Variants in SLC36A1 observed in about 807,000 individuals in gnomAD.
SLC36A1 encodes solute carrier family 36 member 1, also known as proton-coupled amino acid transporter 1.
In SLC36A1, 30 loss-of-function variants were observed where a neutral mutation model predicts 47.5. The observed-to-expected ratio is 0.63, with a 90% CI of 0.47 to 0.86. SLC36A1 has a LOEUF of 0.86. Among genes scored for constraint, SLC36A1 ranks in the 40% least tolerant of loss-of-function variants. The pLI is 0.00. For missense variants in SLC36A1, 517 were observed against 606.0 expected (o/e 0.85, Z 1.54); for synonymous variants, 255 against 249.7 (o/e 1.02, Z -0.20).
chr5:151,499,160 G>A, the SLC36A1 span, among the ~76,000 whole-genome samples: 6 of 152,236 alleles, frequency 3.9e-5, no homozygotes, highest in African/African-American at 1.2e-4. Flanking sequence ...TTCTTGGTTG[G>A]ACACTTTGGA....
intron 10 of SLC36A1, among the ~76,000 whole-genome samples, chr5:151,485,709 C>A (rs1160978355): frequency 6.6e-6 from 1 of 152,198 alleles, no homozygotes; most frequent in Non-Finnish European, 1.5e-5. Context: ...AGTTACATAC[C>A]TGTGAAACAG....
chr5:151,408,703 C>T, the SLC36A1 span, among the ~76,000 whole-genome samples: 1 of 152,254 alleles, frequency 6.6e-6, no homozygotes, highest in African/African-American at 2.4e-5. Flanking sequence ...TAAATCCAGC[C>T]CTATCTCTGC....
chr5:151,436,269 C>T (rs569061240), upstream of SLC36A1, among the ~76,000 whole-genome samples: 73 of 152,274 alleles, frequency 4.8e-4, no homozygotes, highest in African/African-American at 1.7e-3. Flanking sequence ...CCAATAACCA[C>T]TGTCTAGATT....
chr5:151,478,685 C>T (rs1021255814), intron 9 of SLC36A1, among the ~76,000 whole-genome samples: 10 of 152,210 alleles, frequency 6.6e-5, no homozygotes, highest in South Asian at 2.1e-4. Context: ...TTCCACCCCG[C>T]GCCCTCCACT....
the SLC36A1 span, chr5:151,545,136 C>T: frequency 1.2e-6 from 2 of 1,614,188 alleles, no homozygotes; most frequent in Non-Finnish European, 1.7e-6. Flanking sequence ...GGGTGTCATT[C>T]AAATGATTGC....
chr5:151,507,194 A>G, the SLC36A1 span: 3 of 1,606,932 alleles, frequency 1.9e-6, no homozygotes, highest in African/African-American at 4.0e-5. Flanking sequence ...TGACAGGCTC[A>G]TTGTCAGAGT....
At chr5:151,348,353 G>A in the SLC36A1 span, among the ~76,000 whole-genome samples, 1 of 152,136 alleles carries the variant, frequency 6.6e-6, no homozygotes. Flanking sequence ...CCCACTCTCT[G>A]TCATTATCTC....
the SLC36A1 span, chr5:151,527,521 G>C: frequency 1.4e-6 from 1 of 704,728 alleles, no homozygotes; most frequent in Non-Finnish European, 2.2e-6. Context: ...TAGCATTTTA[G>C]GGCTTAGGTT....
chr5:151,546,051 A>G, the SLC36A1 span: 4 of 1,614,198 alleles, frequency 2.5e-6, no homozygotes, highest in Non-Finnish European at 2.5e-6. Flanking sequence ...CTCTTAACTC[A>G]TAGGTAACTT....
chr5:151,468,927 AGT>A (rs1247848813), intron 7 of SLC36A1, among the ~76,000 whole-genome samples: 1 of 152,166 alleles, frequency 6.6e-6, no homozygotes, highest in Admixed American at 6.5e-5. Context: ...CATGCAGGCA[AGT>A]CTGTGGGGTG....
intron 2 of SLC36A1, among the ~76,000 whole-genome samples, chr5:151,462,914 T>A (rs1223591011): frequency 1.3e-5 from 2 of 151,048 alleles, no homozygotes; most frequent in Admixed American, 6.6e-5. Flanking sequence ...CTCCCTCTAT[T>A]GCCTAGGCTG....
intron 1 of SLC36A1, among the ~76,000 whole-genome samples, chr5:151,442,340 A>T (rs925562627): frequency 2.0e-5 from 3 of 152,124 alleles, no homozygotes; most frequent in Non-Finnish European, 4.4e-5. Context: ...ATTTCACAGG[A>T]ATTTTAAATA....
At chr5:151,388,496 C>A in the SLC36A1 span, among the ~76,000 whole-genome samples, 1 of 79,852 alleles carries the variant, frequency 1.3e-5, no homozygotes, top group African/African-American at 8.7e-5. Flanking sequence ...AGTAAAACTC[C>A]ATCTCAAAAG....
upstream of SLC36A1, among the ~76,000 whole-genome samples, chr5:151,433,846 A>G (rs1759611492): frequency 6.6e-6 from 1 of 152,086 alleles, no homozygotes. Flanking sequence ...ACTGGAAATA[A>G]ATCAATATCC....
At chr5:151,345,615 A>G in the SLC36A1 span, among the ~76,000 whole-genome samples, 1 of 152,120 alleles carries the variant, frequency 6.6e-6, no homozygotes, top group African/African-American at 2.4e-5. Flanking sequence ...TCGCTGACCG[A>G]GCACTACACC....
chr5:151,505,892 G>C, the SLC36A1 span: 75 of 1,598,394 alleles, frequency 4.7e-5, 1 homozygote, highest in East Asian at 1.6e-3. Flanking sequence ...TGCTGTAACG[G>C]GGTGGGAGAG....
chr5:151,426,342 A>ATCTC, the SLC36A1 span, among the ~76,000 whole-genome samples: 1 of 151,986 alleles, frequency 6.6e-6, no homozygotes, highest in East Asian at 1.9e-4. Context: ...ATTGATCACT[A>ATCTC]TCTCTCCTAT....
Position 151,489,603 on chromosome 5 carries a change from T to TG in SLC36A1, c.*1352dup, listed in dbSNP as rs1360484489. The TG allele has an allele frequency of 6.6e-6, 1 of 152,592 alleles. No individual in the cohort carries two copies. Among genetic ancestry groups the TG allele is most frequent in the Admixed American group, 6.5e-5 (1 of 15,278 alleles). The allele number at this position is 152,592 out of a possible 1,614,324, so 9.5% of individuals were successfully genotyped here. On this transcript the variant is annotated 3_prime_UTR_variant, in exon 11 of 11. Transcript: ENST00000243389. The surrounding 1 kb of genome is among the most constrained non-coding windows in gnomAD (Gnocchi z 4.5). Reference sequence around the variant, plus strand: ...CTGTCTTTCCCCCAGAATGCCTCCCTGGGTTTCACAAACAGCCTTGAGGTT... The same window carrying TG: ...CTGTCTTTCCCCCAGAATGCCTCCCTGGGGTTTCACAAACAGCCTTGAGGTT...
At chr5:151,554,719 T>G in the SLC36A1 span, 1 of 1,447,434 alleles carries the variant, frequency 6.9e-7, no homozygotes, top group Admixed American at 1.8e-5. Flanking sequence ...CAATTGCAAA[T>G]TAGTGACTAT....
Sources: gnomAD v4.1 joint callset for allele counts (sites outside exome capture counted in the v4.1 genomes callset) on GRCh38, gnomAD v4.1.1 for gene constraint, Gnocchi (gnomAD v3.1) non-coding constraint, MANE v1.5 for transcripts, NCBI Gene and HGNC (gene_info 2026-07-23, HGNC 2026-07-21) for gene names.